GARRE1: variants seen among roughly 807,000 people sequenced by gnomAD.
The protein encoded by GARRE1 is granule associated Rac and RHOG effector protein 1.
A neutral mutation model predicts 103.2 loss-of-function variants in GARRE1; 49 were observed. The observed-to-expected ratio is 0.47, with a 90% CI of 0.38 to 0.60. The LOEUF is 0.60. Among genes scored for constraint, GARRE1 ranks in the 20% least tolerant of loss-of-function variants. The pLI, the probability that GARRE1 is intolerant of heterozygous loss-of-function variation, is 0.00. For missense variants in GARRE1, 1,199 were observed against 1,370.5 expected (o/e 0.87, Z 1.98); for synonymous variants, 505 against 532.8 (o/e 0.95, Z 0.72).
intron 1 of GARRE1, among the ~76,000 whole-genome samples, chr19:34,268,281 T>A (rs2073764927): frequency 6.6e-6 from 1 of 152,204 alleles, no homozygotes; most frequent in South Asian, 2.1e-4. Context: ...TTTCGGAAGT[T>A]TAGGAGCCAG....
intron 13 of GARRE1, 34 bp downstream of exon 13, chr19:34,351,626 G>A (rs750578397): frequency 6.6e-7 from 1 of 1,505,646 alleles, no homozygotes; most frequent in Non-Finnish European, 9.2e-7. Context: ...ACAGACTTGG[G>A]CTAGCTTCCA....
At chr19:34,327,966 C>T in intron 5 of GARRE1, 24 bp from the exon 6 acceptor site, 1 of 1,614,116 alleles carries the variant, frequency 6.2e-7, no homozygotes, top group Non-Finnish European at 8.5e-7. Flanking sequence ...GTCACCTCTC[C>T]TCTTCCATCC....
rs73580718 is a variant in GARRE1, at chr19:34,279,242, T to C, written c.-795-20437T>C. 1.7e-3 allele frequency among the ~76,000 whole-genome samples: 258 copies of C among 152,324 alleles called. 1 individual carries two copies. Among genetic ancestry groups the C allele is most frequent in the African/African-American group, 6.0e-3 (250 of 41,578 alleles). The stretch of plus-strand genomic sequence containing the variant: ...GTTTTCCACAGTGGCTGCACTATTT[T>C]ATATTCCCACTAGCAATACACAAGG... On this transcript the variant is annotated intron_variant, in intron 1 of 13. Transcript: ENST00000299505.
At chr19:34,255,229 C>T (rs1242759269) in intron 1 of GARRE1, among the ~76,000 whole-genome samples, 1 of 152,218 alleles carries the variant, frequency 6.6e-6, no homozygotes, top group Non-Finnish European at 1.5e-5. Context: ...GCGTGGAGGA[C>T]CCGAGCCCGA....
chr19:34,339,953 A>T lies in GARRE1; in HGVS notation c.1448A>T (p.Tyr483Phe). ...ACCCTGGGTCTAGTGGACGTGCTCT[A>T]CACAGCTGTGCTGGACCTAAACCGC... is the stretch of plus-strand genomic sequence containing the variant. The part of the protein sequence containing the change: ...EKTLGLVDVL[Y>F]TAVLDLNRWR... The change falls in exon 9 of 14, where the codon TAC becomes TTC. Residue 483 changes from tyrosine to phenylalanine, a missense_variant. Coordinates refer to ENST00000299505, the MANE Select transcript of GARRE1 (RefSeq NM_014686.5). The T allele has an allele frequency of 6.2e-7, 1 of 1,614,154 alleles. No homozygotes were observed. Among genetic ancestry groups the T allele is most frequent in the Non-Finnish European group, 8.5e-7 (1 of 1,180,022 alleles).
At chr19:34,260,070 T>G (rs1199897863) in intron 1 of GARRE1, among the ~76,000 whole-genome samples, 1 of 152,228 alleles carries the variant, frequency 6.6e-6, no homozygotes, top group Non-Finnish European at 1.5e-5. Context: ...CTTGGGCATT[T>G]CCCCATAGCA....
At chr19:34,327,689 T>TC in intron 4 of GARRE1, 82 bp from the exon 5 acceptor site, 1 of 1,493,056 alleles carries the variant, frequency 6.7e-7, no homozygotes, top group Non-Finnish European at 9.2e-7. Context: ...GCTATAGAAA[T>TC]TTAAGATTTC....
chr19:34,259,971 C>G (rs1381600890), intron 1 of GARRE1, among the ~76,000 whole-genome samples: 1 of 152,206 alleles, frequency 6.6e-6, no homozygotes, highest in Non-Finnish European at 1.5e-5. Context: ...TGTTTGCTTC[C>G]CCTTCTGCCA....
intron 2 of GARRE1, among the ~76,000 whole-genome samples, chr19:34,318,197 A>C (rs1215769425): frequency 6.6e-6 from 1 of 152,226 alleles, no homozygotes; most frequent in Non-Finnish European, 1.5e-5. Context: ...TCCAAGAAGA[A>C]ACAGCTCTGA....
chr19:34,305,397 G>A (rs1284687310), intron 2 of GARRE1, among the ~76,000 whole-genome samples: 9 of 152,204 alleles, frequency 5.9e-5, no homozygotes, highest in Non-Finnish European at 1.3e-4. Context: ...TCCTCTCCTA[G>A]AAAGTGTTGA....
intron 3 of GARRE1, among the ~76,000 whole-genome samples, chr19:34,327,040 A>C (rs2074114979): frequency 6.6e-6 from 1 of 152,058 alleles, no homozygotes; most frequent in African/African-American, 2.4e-5. Flanking sequence ...CTGTAATCCC[A>C]GCTACTCGGG....
At chr19:34,274,961 T>C (rs2073808453) in intron 1 of GARRE1, among the ~76,000 whole-genome samples, 1 of 152,204 alleles carries the variant, frequency 6.6e-6, no homozygotes, top group Non-Finnish European at 1.5e-5. Context: ...AATAAAATTC[T>C]TCAAAGCATT....
At chr19:34,279,802 G>A (rs1033580456) in intron 1 of GARRE1, among the ~76,000 whole-genome samples, 1 of 151,526 alleles carries the variant, frequency 6.6e-6, no homozygotes, top group African/African-American at 2.4e-5. Flanking sequence ...CGGCTAAAAC[G>A]GTGAAACCCC....
At chr19:34,308,160 A>G (rs571384085) in intron 2 of GARRE1, among the ~76,000 whole-genome samples, 17 of 152,120 alleles carry the variant, frequency 1.1e-4, no homozygotes, top group African/African-American at 3.6e-4. Flanking sequence ...TAGAGTAACA[A>G]TAATGGAAAA....
At chr19:34,329,233 A>G (rs2074126460) in intron 6 of GARRE1, among the ~76,000 whole-genome samples, 1 of 152,234 alleles carries the variant, frequency 6.6e-6, no homozygotes, top group Non-Finnish European at 1.5e-5. Flanking sequence ...GAGCTTATGT[A>G]ATCTGTTTCC....
chr19:34,262,879 A>T (rs2073727430), intron 1 of GARRE1, among the ~76,000 whole-genome samples: 1 of 152,162 alleles, frequency 6.6e-6, no homozygotes, highest in Non-Finnish European at 1.5e-5. Flanking sequence ...ATTTTAAAAA[A>T]TTTCTCCACT....
intron 1 of GARRE1, among the ~76,000 whole-genome samples, chr19:34,277,460 C>T (rs746309178): frequency 7.2e-5 from 11 of 152,138 alleles, no homozygotes; most frequent in Non-Finnish European, 1.5e-4. Context: ...TGAAAAAACA[C>T]GTGAAATTTG....
rs143948246 is a variant in GARRE1 at position 34,318,011 on chromosome 19, T to G, written c.496-1896T>G. 1.2e-4 allele frequency among the ~76,000 whole-genome samples: 18 copies of G among 152,226 alleles called. 1 individual carries two copies. In the East Asian group the frequency reaches 3.1e-3, roughly 26 times the overall value. On this transcript the variant is annotated intron_variant, in intron 2 of 13. Coordinates refer to ENST00000299505, the MANE Select transcript of GARRE1 (RefSeq NM_014686.5). ...GAGGTGTGAGTGGAAGCCCAGGAGT[T>G]TGGGGGGCTTCAGCCTGTGATGTCG...
At chr19:34,322,614 G>T (rs1410265143) in intron 3 of GARRE1, among the ~76,000 whole-genome samples, 1 of 152,012 alleles carries the variant, frequency 6.6e-6, no homozygotes, top group African/African-American at 2.4e-5. Flanking sequence ...TTGAGACGGA[G>T]TCTTGCTCCT....
Sources: gnomAD v4.1 joint callset for allele counts (sites outside exome capture counted in the v4.1 genomes callset) on GRCh38, gnomAD v4.1.1 for gene constraint, MANE v1.5 for transcripts, NCBI Gene and HGNC (gene_info 2026-07-23, HGNC 2026-07-21) for gene names.